ZFHX3: variants seen among roughly 807,000 people sequenced by gnomAD.
ZFHX3 encodes the protein zinc finger homeobox protein 3.
In ZFHX3, 42 loss-of-function variants were observed where a neutral mutation model predicts 279.1. The observed-to-expected ratio is 0.15, with a 90% confidence interval of 0.12 to 0.19. ZFHX3 has a LOEUF of 0.19. Among genes scored for constraint, ZFHX3 ranks in the 10% least tolerant of loss-of-function variants. The pLI is 1.00. For synonymous variants in ZFHX3, 2,293 were observed against 1,957.8 expected (o/e 1.17, Z -4.52); for missense variants, 4,981 against 4,754.0 (o/e 1.05, Z -1.40).
chr16:72,936,185 T>G (rs1044951101), intron 3 of ZFHX3, among the ~76,000 whole-genome samples: 10 of 152,168 alleles, frequency 6.6e-5, no homozygotes, highest in Admixed American at 2.0e-4. Context: ...GCCATCCACT[T>G]TACACCAACA....
intron 4 of ZFHX3, among the ~76,000 whole-genome samples, chr16:73,287,948 C>T (rs2014671905): frequency 6.6e-6 from 1 of 152,086 alleles, no homozygotes; most frequent in African/African-American, 2.4e-5. Context: ...CATCCCCATT[C>T]AGGAGGAGCC....
chr16:73,069,658 C>T (rs566066116), intron 8 of ZFHX3, among the ~76,000 whole-genome samples: 1 of 152,214 alleles, frequency 6.6e-6, no homozygotes, highest in South Asian at 2.1e-4. Flanking sequence ...GACTAGGACT[C>T]CTAGCTTCCC....
At chr16:73,072,926 C>A (rs2144757444) in intron 8 of ZFHX3, among the ~76,000 whole-genome samples, 1 of 151,712 alleles carries the variant, frequency 6.6e-6, no homozygotes, top group Admixed American at 6.6e-5. Flanking sequence ...GAGACGGAGT[C>A]TCACTCTGTG....
intron 2 of ZFHX3, among the ~76,000 whole-genome samples, chr16:73,646,299 A>G (rs1276212904): frequency 6.6e-6 from 1 of 152,162 alleles, no homozygotes; most frequent in African/African-American, 2.4e-5. Context: ...TGCAAAATCA[A>G]AACTACTTAG....
chr16:72,862,116 T>G (rs1567552472), intron 4 of ZFHX3, among the ~76,000 whole-genome samples: 2 of 152,214 alleles, frequency 1.3e-5, no homozygotes. Flanking sequence ...TGTGACACAC[T>G]GTATACCATG....
In ZFHX3 at chr16:73,325,737, A is replaced by C. The variant is rs569897112; in HGVS notation, c.-1290-7401T>G. 2.0e-5 allele frequency among the ~76,000 whole-genome samples: 3 copies of C among 152,256 alleles called. No individual in the cohort carries two copies. The South Asian group carries it at 6.2e-4, about 32-fold the overall frequency. ...CTAAGCCTTTTCACCTCCAAGAATG[A>C]TACCGTTAGGAAAAAAAAATCCAGC... On this transcript the variant is annotated intron_variant, in intron 3 of 17. Transcript: ENST00000641206.
chr16:73,526,554 C>T (rs2019699618), intron 2 of ZFHX3, among the ~76,000 whole-genome samples: 1 of 152,220 alleles, frequency 6.6e-6, no homozygotes, highest in Non-Finnish European at 1.5e-5. Flanking sequence ...AGGCCCTGGC[C>T]TCCAGTTTTG....
At position 72,967,784 on chromosome 16, in the gene ZFHX3, C is replaced by T. The variant is rs1338128167; in HGVS notation, c.-49-7590G>A. On this transcript the variant is annotated intron_variant, in intron 1 of 9. Coordinates refer to ENST00000268489, the MANE Select transcript of ZFHX3 (RefSeq NM_006885.4). ...ACAAAAAAAAAAAAAAAAAATTAGC[C>T]GGGCGTGGTGGCGGGCGCCTGTAGT... is the stretch of plus-strand genomic sequence containing the variant. 4.0e-5 allele frequency among the ~76,000 whole-genome samples: 6 copies of T among 150,804 alleles called. No homozygotes were observed. The South Asian group carries it at 8.4e-4, about 21-fold the overall frequency.
chr16:72,873,145 T>TG (rs1312291508), intron 4 of ZFHX3, among the ~76,000 whole-genome samples: 1 of 152,234 alleles, frequency 6.6e-6, no homozygotes, highest in Admixed American at 6.5e-5. Flanking sequence ...TAACCTTCAA[T>TG]GGGCGTATTT....
intron 1 of ZFHX3, among the ~76,000 whole-genome samples, chr16:73,802,773 A>G (rs1231239371): frequency 6.6e-6 from 1 of 152,202 alleles, no homozygotes; most frequent in African/African-American, 2.4e-5. Flanking sequence ...GGTATATATT[A>G]TATTTTATAT....
At chr16:73,811,438 C>CTTTTTT (rs34134056) in intron 1 of ZFHX3, among the ~76,000 whole-genome samples, 27 of 106,556 alleles carry the variant, frequency 2.5e-4, no homozygotes, top group South Asian at 3.1e-4. Context: ...TCAGTCTCTT[C>CTTTTTT]TTTTTTTTTT....
chr16:72,818,798 G>A (rs2036693799), intron 5 of ZFHX3, among the ~76,000 whole-genome samples: 2 of 152,112 alleles, frequency 1.3e-5, no homozygotes, highest in South Asian at 2.1e-4. Context: ...AAGCTATCTC[G>A]CTCCCGTATA....
chr16:73,473,339 C>CAAAAAAAAAAAAAAAAAAAAAA (rs11347779), intron 2 of ZFHX3, among the ~76,000 whole-genome samples: 18 of 76,660 alleles, frequency 2.3e-4, no homozygotes, highest in Non-Finnish European at 3.0e-4. Flanking sequence ...TGTCTCAAAG[C>CAAAAAAAAAAAAAAAAAAAAAA]AAAAAAAAAA....
chr16:73,027,715 G>A (rs1342125782), intron 1 of ZFHX3, among the ~76,000 whole-genome samples: 2 of 152,044 alleles, frequency 1.3e-5, no homozygotes, highest in Non-Finnish European at 2.9e-5. Flanking sequence ...GAAGAAATCT[G>A]GCCAGAAAGG....
intron 2 of ZFHX3, chr16:73,609,837 G>C (rs2052227396): frequency 6.6e-6 from 1 of 152,206 alleles, no homozygotes; most frequent in Admixed American, 6.5e-5. Context: ...ATAGAAAGAA[G>C]AGACGCTATT....
exon 1 of ZFHX3, chr16:73,058,559 AGCGGCGCTGCTGGCGACGGCGGCG>A (rs1411416456): frequency 2.7e-5 from 5 of 185,826 alleles, no homozygotes; most frequent in African/African-American, 5.3e-5. Context: ...CGGCGGCTGC[AGCGGCGCTGCTGGCGACGGCGGCG>A]GCGGCGGGAG....
chr16:73,785,921 A>T (rs963178722), intron 1 of ZFHX3, among the ~76,000 whole-genome samples: 2 of 151,434 alleles, frequency 1.3e-5, no homozygotes, highest in Non-Finnish European at 2.9e-5. Flanking sequence ...CCCAGGCTGG[A>T]GTGCAATGGT....
intron 1 of ZFHX3, among the ~76,000 whole-genome samples, chr16:73,010,705 C>T (rs1963884045): frequency 6.6e-6 from 1 of 152,188 alleles, no homozygotes; most frequent in African/African-American, 2.4e-5. Context: ...TCTTCAGAAA[C>T]CACCCACTCC....
chr16:73,872,556 G>C (rs2029865036), intron 1 of ZFHX3, among the ~76,000 whole-genome samples: 1 of 151,524 alleles, frequency 6.6e-6, no homozygotes, highest in African/African-American at 2.4e-5. Flanking sequence ...TTAATATCAG[G>C]AAACAAAGCT....
Sources: allele counts gnomAD v4.1 joint callset (sites outside exome capture counted in the v4.1 genomes callset), GRCh38; gene constraint gnomAD v4.1.1; transcripts MANE v1.5; gene names NCBI Gene and HGNC (gene_info 2026-07-23, HGNC 2026-07-21).